Variants in FRMD4A observed in about 807,000 individuals in gnomAD.
The protein encoded by FRMD4A is FERM domain-containing protein 4A.
Under a neutral mutation model 129.1 loss-of-function variants are expected in FRMD4A, and 29 were observed. The observed-to-expected ratio is 0.22, with a 90% CI of 0.17 to 0.31. FRMD4A has a LOEUF of 0.31. Ranked by LOEUF, FRMD4A falls within the 10% of genes least tolerant of loss-of-function variation. The pLI is 1.00. For synonymous variants in FRMD4A, 634 were observed against 571.6 expected (o/e 1.11, Z -1.56); for missense variants, 1,272 against 1,375.8 (o/e 0.92, Z 1.19).
In FRMD4A at chr10:14,242,197, T is replaced by C. The variant is rs539884383; in HGVS notation, c.45+87861A>G. Among the ~76,000 whole-genome samples, 7 of 152,272 alleles carry C rather than the reference T, an allele frequency of 4.6e-5. No individual in the cohort carries two copies. The East Asian group carries it at 1.3e-3, about 29-fold the overall frequency. On this transcript the variant is annotated intron_variant, in intron 2 of 24. Coordinates refer to ENST00000357447, the MANE Select transcript of FRMD4A (RefSeq NM_018027.5). Reference sequence around the variant, plus strand: ...ATTCTGAGAAAACAGAGTCCACAGATTGGATATTTATTACCATCAGGGATC... The same window carrying C: ...ATTCTGAGAAAACAGAGTCCACAGACTGGATATTTATTACCATCAGGGATC...
At chr10:13,685,092 G>A in intron 15 of FRMD4A, 1 of 984,488 alleles carries the variant, frequency 1.0e-6, no homozygotes, top group Non-Finnish European at 1.2e-6. Flanking sequence ...ATTGCAGACT[G>A]CAGGATAAAC....
At chr10:13,724,155 G>A (rs775869617) in intron 12 of FRMD4A, among the ~76,000 whole-genome samples, 37 of 152,298 alleles carry the variant, frequency 2.4e-4, no homozygotes, top group East Asian at 3.9e-4. Context: ...TTGGGAGGAC[G>A]AGGCAGGCGG....
chr10:14,161,076 C>T (rs1840861138), intron 2 of FRMD4A, among the ~76,000 whole-genome samples: 1 of 152,108 alleles, frequency 6.6e-6, no homozygotes, highest in Non-Finnish European at 1.5e-5. Context: ...TGCCTCAGCC[C>T]CCCGAGTCGC....
intron 3 of FRMD4A, among the ~76,000 whole-genome samples, chr10:13,826,855 C>A (rs11258652): frequency 0.19 from 28,748 of 152,058 alleles, 2,973 homozygotes; most frequent in Non-Finnish European, 0.24. Context: ...GAAAGTCAGG[C>A]GAGCAAGGAT....
chr10:13,675,476 G>A (rs940043261), intron 15 of FRMD4A, among the ~76,000 whole-genome samples: 9 of 152,070 alleles, frequency 5.9e-5, no homozygotes, highest in Non-Finnish European at 1.3e-4. Flanking sequence ...ATCTCGGCTC[G>A]CTGCAACCTC....
At chr10:13,809,780 G>A (rs7917595) in intron 4 of FRMD4A, among the ~76,000 whole-genome samples, 4 of 152,202 alleles carry the variant, frequency 2.6e-5, no homozygotes, top group African/African-American at 9.7e-5. Context: ...CAGATGGTCC[G>A]GTTTGCCCAA....
chr10:13,864,873 G>C (rs1253709117), intron 2 of FRMD4A, among the ~76,000 whole-genome samples: 1 of 152,170 alleles, frequency 6.6e-6, no homozygotes. Flanking sequence ...CACCGCACCT[G>C]GCCTGCAAAA....
At chr10:14,036,614 G>A (rs1187963490) in intron 2 of FRMD4A, among the ~76,000 whole-genome samples, 2 of 152,164 alleles carry the variant, frequency 1.3e-5, no homozygotes, top group African/African-American at 4.8e-5. Context: ...TGCTTGAGAG[G>A]GAGCAACTCA....
At chr10:14,289,020 A>C (rs1294709141) in intron 2 of FRMD4A, among the ~76,000 whole-genome samples, 2 of 152,190 alleles carry the variant, frequency 1.3e-5, no homozygotes, top group African/African-American at 4.8e-5. Flanking sequence ...TTCATCTTTA[A>C]ATGGACATTT....
chr10:14,046,363 T>C (rs995222335), intron 2 of FRMD4A, among the ~76,000 whole-genome samples: 3 of 152,194 alleles, frequency 2.0e-5, no homozygotes, highest in African/African-American at 7.2e-5. Context: ...AGTTTGTTAA[T>C]GTAATAAAAG....
intron 9 of FRMD4A, among the ~76,000 whole-genome samples, chr10:13,741,141 A>G (rs1371765580): frequency 3.9e-5 from 6 of 152,096 alleles, no homozygotes; most frequent in Admixed American, 3.9e-4. Flanking sequence ...TTGGATTTCT[A>G]ATCAAGAAAT....
chr10:13,855,553 C>T (rs538229129), intron 3 of FRMD4A, among the ~76,000 whole-genome samples: 1 of 152,094 alleles, frequency 6.6e-6, no homozygotes, highest in Non-Finnish European at 1.5e-5. Flanking sequence ...TCTTTCCCAC[C>T]CATCCCCATT....
intron 4 of FRMD4A, 126 bp from the exon 5 acceptor site, chr10:13,796,714 A>AT (rs982659682): frequency 4.1e-4 from 232 of 570,642 alleles, no homozygotes; most frequent in African/African-American, 1.5e-3. Context: ...CTTATTTTTA[A>AT]TTTTTTTTTA....
chr10:14,144,841 G>C (rs11258899), intron 2 of FRMD4A, among the ~76,000 whole-genome samples: 10 of 151,990 alleles, frequency 6.6e-5, no homozygotes, highest in African/African-American at 2.4e-4. Flanking sequence ...GCAGAGGAGA[G>C]GGTGAAACCG....
intron 3 of FRMD4A, among the ~76,000 whole-genome samples, chr10:13,834,276 C>G (rs2093838289): frequency 2.0e-5 from 3 of 151,802 alleles, no homozygotes; most frequent in African/African-American, 7.3e-5. Context: ...AAAACAACAA[C>G]AACAACAAAA....
At chr10:13,788,961 C>T (rs1053464301) in intron 5 of FRMD4A, among the ~76,000 whole-genome samples, 1 of 152,242 alleles carries the variant, frequency 6.6e-6, no homozygotes, top group Non-Finnish European at 1.5e-5. Flanking sequence ...TTCCCTTCCC[C>T]ATCCAGCCCT....
intron 2 of FRMD4A, among the ~76,000 whole-genome samples, chr10:14,164,580 T>A (rs1841075941): frequency 6.6e-6 from 1 of 152,178 alleles, no homozygotes; most frequent in Non-Finnish European, 1.5e-5. Flanking sequence ...CCTCTTCTCC[T>A]CCCTAGTCTT....
chr10:13,977,886 A>G (rs2095547599), intron 2 of FRMD4A, among the ~76,000 whole-genome samples: 1 of 152,244 alleles, frequency 6.6e-6, no homozygotes, highest in South Asian at 2.1e-4. Context: ...GTGTTTATCC[A>G]TGCATCAGTT....
At chr10:14,288,253 C>T (rs867781800) in intron 2 of FRMD4A, among the ~76,000 whole-genome samples, 7 of 152,130 alleles carry the variant, frequency 4.6e-5, no homozygotes, top group African/African-American at 7.2e-5. Flanking sequence ...TAGGATGCCC[C>T]GTTGCTCCCA....
Sources: gnomAD v4.1 joint callset for allele counts (sites outside exome capture counted in the v4.1 genomes callset) on GRCh38, gnomAD v4.1.1 for gene constraint, MANE v1.5 for transcripts, NCBI Gene and HGNC (gene_info 2026-07-23, HGNC 2026-07-21) for gene names.